F2RL2: variants seen among roughly 807,000 people sequenced by gnomAD.
F2RL2 encodes coagulation factor II thrombin receptor like 2.
In F2RL2, 4 loss-of-function variants were observed where a neutral mutation model predicts 4.3. That is an observed-to-expected ratio of 0.93 (90% CI 0.46 to 2.12). The LOEUF (loss-of-function observed/expected upper bound fraction) is 2.12. Ranked by LOEUF, F2RL2 falls within the 30% of genes most tolerant of loss-of-function variation. The pLI is 0.02. For synonymous variants in F2RL2, 166 were observed against 170.9 expected, an observed-to-expected ratio of 0.97 and a Z score of 0.22; for missense variants, 408 against 449.3, an observed-to-expected ratio of 0.91 and a Z score of 0.83.
rs1749001812 is a variant in F2RL2 at position 76,616,651 on chromosome 5, A to C, written c.*931T>G. 1 of 152,760 alleles carries C rather than the reference A, an allele frequency of 6.5e-6. No individual in the cohort carries two copies. Among genetic ancestry groups the C allele is most frequent in the Non-Finnish European group, 1.5e-5 (1 of 68,198 alleles). The allele number at this position is 152,760 out of a possible 1,614,324, so 9.5% of individuals were successfully genotyped here. On this transcript the variant is annotated 3_prime_UTR_variant, in exon 2 of 2. Coordinates refer to ENST00000296641, the MANE Select transcript of F2RL2 (RefSeq NM_004101.4). ...AAGATCACTCGAGACCAGGAGTTCA[A>C]GACCAGCCTGGGCAACAGTGAGACT...
chr5:76,620,980 A>G (rs1033852214), intron 1 of F2RL2, among the ~76,000 whole-genome samples: 10 of 152,216 alleles, frequency 6.6e-5, no homozygotes, highest in African/African-American at 2.2e-4. Context: ...ACCCTTTCAC[A>G]TGTATAGAAA....
Position 76,616,103 on chromosome 5 carries a change from T to C in F2RL2, c.*1479A>G, listed in dbSNP as rs1012159767. 1 of 152,670 alleles carries C rather than the reference T, an allele frequency of 6.6e-6. No individual in the cohort carries two copies. The highest frequency in any genetic ancestry group is 1.5e-5 in the Non-Finnish European group (1 of 68,038). 9.5% of individuals were successfully genotyped at this position (152,670 alleles called of 1,614,324 possible). On this transcript the variant is annotated 3_prime_UTR_variant, in exon 2 of 2. Coordinates refer to ENST00000296641, the MANE Select transcript of F2RL2 (RefSeq NM_004101.4). The stretch of plus-strand genomic sequence containing the variant: ...CAGAGGATGAGCACCTTCTCCATTA[T>C]ACTTGGTACTTGATTGTTCATGGAA...
Position 76,618,039 on chromosome 5 carries a change from A to G in F2RL2, c.668T>C (p.Leu223Ser), listed in dbSNP as rs774952543. The G allele has an allele frequency of 6.2e-7, 1 of 1,614,186 alleles. No homozygotes were observed. Among genetic ancestry groups the G allele is most frequent in the Admixed American group, 1.7e-5 (1 of 60,026 alleles). The change falls in exon 2 of 2, where the codon TTA becomes TCA. Residue 223 changes from leucine to serine, a missense_variant. By Grantham distance (145) the Leu-to-Ser change is moderately radical (BLOSUM62 -2). Coordinates refer to ENST00000296641, the MANE Select transcript of F2RL2 (RefSeq NM_004101.4). ...TCGLVWATVF[L>S]YMLPFFILKQ... is the part of the protein sequence containing the mutation. ...CAGTATGAAAAATGGCAGCATATAT[A>G]AGAAAACTGTTGCCCACACCAGTCC...
chr5:76,622,995 A>C (rs915190850), intron 1 of F2RL2, among the ~76,000 whole-genome samples, 172 bp downstream of exon 1: 2 of 152,216 alleles, frequency 1.3e-5, no homozygotes, highest in African/African-American at 4.8e-5. Flanking sequence ...GTTTGAATAG[A>C]GTGAATGAAC....
chr5:76,623,224 C>T lies in F2RL2; in HGVS notation c.7G>A (p.Ala3Thr), dbSNP rs1202311103. MK[A>T]LIFAAAGLLL... ...AGGCCAGCAGCTGCAAAGATGAGGGCTTTCATTTTGATGACCTGAGTCCCG... is the reference window on the plus strand; with the variant it reads ...AGGCCAGCAGCTGCAAAGATGAGGGTTTTCATTTTGATGACCTGAGTCCCG... Residue 3 changes from alanine to threonine, a missense_variant, in exon 1 of 2, where the codon GCC (alanine) becomes ACC (threonine). Physicochemically the swap from Ala to Thr is moderately conservative, Grantham distance 58. Transcript: ENST00000296641. 28 of 1,614,172 alleles carry T rather than the reference C, an allele frequency of 1.7e-5. No homozygotes were observed. Among genetic ancestry groups the T allele is most frequent in the Non-Finnish European group, 2.4e-5 (28 of 1,180,024 alleles).
chr5:76,620,790 C>T (rs2069661), intron 1 of F2RL2, among the ~76,000 whole-genome samples: 30 of 152,102 alleles, frequency 2.0e-4, no homozygotes, highest in African/African-American at 5.3e-4. Context: ...AAGATGAAAT[C>T]GGTATGAGGA....
intron 1 of F2RL2, among the ~76,000 whole-genome samples, chr5:76,619,511 CTTCT>C (rs1438898984): frequency 7.0e-5 from 9 of 128,328 alleles, no homozygotes; most frequent in Non-Finnish European, 1.1e-4. Flanking sequence ...AGTTAAGGAT[CTTCT>C]TTTTTTTTTT....
At position 76,623,018 on chromosome 5, in the gene F2RL2, T is replaced by C. The variant is rs1379317796; in HGVS notation, c.64+149A>G. The C allele has an allele frequency of 5.4e-6, 4 of 742,136 alleles. No homozygotes were observed. The Admixed American group carries it at 6.7e-5, about 12-fold the overall frequency. 46.0% of individuals were successfully genotyped at this position (742,136 alleles called of 1,614,324 possible). A position where few individuals can be genotyped will look rare whatever the true frequency, so the allele number is the denominator to read the frequency against. On this transcript the variant is annotated intron_variant, in intron 1 of 1. Transcript: ENST00000296641. ...AGAGTGAATGAACTATAGATGTTCA[T>C]TTCCATGATTCTACCTTTTAATAAT... is the stretch of plus-strand genomic sequence containing the variant.
At chr5:76,618,755 T>A (rs996685301) in intron 1 of F2RL2, 113 bp from the exon 2 acceptor site, 124 of 974,140 alleles carry the variant, frequency 1.3e-4, no homozygotes, top group Non-Finnish European at 1.7e-4. Flanking sequence ...ATTTTTATTT[T>A]AAAAAGTTAT....
chr5:76,617,746 G>C lies in F2RL2; in HGVS notation c.961C>G (p.Leu321Val), dbSNP rs773021486. Residue 321 changes from leucine (L) to valine (V), a missense_variant, in exon 2 of 2, where the codon CTT becomes GTT. Physicochemically the swap from Leu to Val is conservative, Grantham distance 32. Transcript: ENST00000296641. ...TAGTAGTTAGCATGGTGAATAATAAGAATAATATTGCTTGGAGCAAAGCAA... is the reference window on the plus strand; with the variant it reads ...TAGTAGTTAGCATGGTGAATAATAACAATAATATTGCTTGGAGCAAAGCAA... ...TICFAPSNIILIIHHANYYYN... is the reference protein window; with the variant it reads ...TICFAPSNIIVIIHHANYYYN... 2 of 1,613,822 alleles carry C rather than the reference G, an allele frequency of 1.2e-6. No individual in the cohort carries two copies. Among genetic ancestry groups the C allele is most frequent in the South Asian group, 2.2e-5 (2 of 91,052 alleles).
chr5:76,618,525 C>T lies in F2RL2; in HGVS notation c.182G>A (p.Gly61Glu), dbSNP rs772121382. Residue 61 changes from glycine to glutamate, a missense_variant, in exon 2 of 2, where the codon GGA becomes GAA. Gly to Glu is a moderately conservative substitution (Grantham distance 98, BLOSUM62 -2). Coordinates refer to ENST00000296641, the MANE Select transcript of F2RL2 (RefSeq NM_004101.4). Reference protein sequence around the residue: ...FPFSALEGWTGATITVKIKCP... With the variant: ...FPFSALEGWTEATITVKIKCP... Reference sequence around the variant, plus strand: ...CTTAATTTTTACAGTAATCGTGGCTCCTGTCCAGCCTTCCAAGGCAGAAAA... The same window carrying T: ...CTTAATTTTTACAGTAATCGTGGCTTCTGTCCAGCCTTCCAAGGCAGAAAA... 22 of 1,613,998 alleles carry T rather than the reference C, an allele frequency of 1.4e-5. No homozygotes were observed. Among genetic ancestry groups the T allele is most frequent in the South Asian group, 5.5e-5 (5 of 91,090 alleles).
At position 76,617,116 on chromosome 5, in the gene F2RL2, T is replaced by C. The variant is rs1749054552; in HGVS notation, c.*466A>G. On this transcript the variant is annotated 3_prime_UTR_variant, in exon 2 of 2. Coordinates refer to ENST00000296641, the MANE Select transcript of F2RL2 (RefSeq NM_004101.4). The stretch of plus-strand genomic sequence containing the variant: ...GAGTTGTGATATCTTTTCTCCTGCA[T>C]TAACATTTTTAAAATACTGATAAAG... 1 of 155,576 alleles carries C rather than the reference T, an allele frequency of 6.4e-6. No homozygotes were observed. The highest frequency in any genetic ancestry group is 2.4e-5 in the African/African-American group (1 of 41,476). 9.6% of individuals were successfully genotyped at this position (155,576 alleles called of 1,614,324 possible).
Position 76,618,583 on chromosome 5 carries a change from C to T in F2RL2, c.124G>A (p.Gly42Arg). 2 of 1,614,026 alleles carry T rather than the reference C, an allele frequency of 1.2e-6. No individual in the cohort carries two copies. The highest frequency in any genetic ancestry group is 1.7e-6 in the Non-Finnish European group (2 of 1,180,020). ...KPTLPIKTFR[G>R]APPNSFEEFP... ...TCTTCAAAAGAATTTGGGGGAGCTC[C>T]ACGAAAGGTCTTAATGGGTAAGGTT... The change falls in exon 2 of 2, where the codon GGA (glycine) becomes AGA (arginine). Residue 42 changes from glycine (G) to arginine (R), a missense_variant. Transcript: ENST00000296641.
chr5:76,622,692 C>T (rs1335030196), intron 1 of F2RL2, among the ~76,000 whole-genome samples: 1 of 152,136 alleles, frequency 6.6e-6, no homozygotes, highest in Non-Finnish European at 1.5e-5. Context: ...CAAAAAAGGT[C>T]ATTCATTTCG....
chr5:76,617,888 A>G lies in F2RL2; in HGVS notation c.819T>C (p.Ile273=), dbSNP rs745867853. The change falls in exon 2 of 2, where the codon ATT becomes ATC. Residue 273 remains isoleucine, a synonymous_variant. Transcript: ENST00000296641. ...FISLAFFGFL[I]PFVLIIYCYA... ...AGCAGTAGATGATAAGCACAAATGG[A>G]ATTAAGAATCCAAAGAATGCCAAGG... The G allele has an allele frequency of 2.5e-6, 4 of 1,614,078 alleles. No homozygotes were observed. The highest frequency in any genetic ancestry group is 3.3e-5 in the Admixed American group (2 of 60,018).
rs1326710511 is a variant in F2RL2 at position 76,616,053 on chromosome 5, G to C, written c.*1529C>G. 3.3e-5 allele frequency: 5 copies of C among 152,578 alleles called. No individual in the cohort carries two copies. Among genetic ancestry groups the C allele is most frequent in the Admixed American group, 3.3e-4 (5 of 15,276 alleles). 9.5% of individuals were successfully genotyped at this position (152,578 alleles called of 1,614,324 possible). A position where few individuals can be genotyped will look rare whatever the true frequency, so the allele number is the denominator to read the frequency against. ...TGGGTGCCACAAAGACTTGGGCCTG[G>C]CATCACCCAGAAGCTCAAGGAAGGC... On this transcript the variant is annotated 3_prime_UTR_variant, in exon 2 of 2. Transcript: ENST00000296641.
chr5:76,618,485 A>C lies in F2RL2; in HGVS notation c.222T>G (p.Ser74Arg), dbSNP rs750871274. 2.5e-6 allele frequency: 4 copies of C among 1,614,084 alleles called. No individual in the cohort carries two copies. In the South Asian group the frequency reaches 3.3e-5, roughly 13 times the overall value. The change falls in exon 2 of 2, where the codon AGT becomes AGG. Residue 74 changes from serine to arginine, a missense_variant. Ser to Arg is a moderately radical substitution (Grantham distance 110, BLOSUM62 -1). Transcript: ENST00000296641. ...CATTTTTCACATGGAGATGTGAAGC[A>C]CTTTCTTCAGGGCACTTAATTTTTA... is the stretch of plus-strand genomic sequence containing the variant. The part of the protein sequence containing the change: ...ITVKIKCPEE[S>R]ASHLHVKNAT...
rs1329569759 is a variant in F2RL2, at chr5:76,618,309, G to C, written c.398C>G (p.Thr133Ser). ...AAGAAAATCTGCAATGGCCAGGTTG[G>C]TGTAGAATACAGTGGTACAGATGGA... is the stretch of plus-strand genomic sequence containing the variant. The part of the protein sequence containing the change: ...TRSICTTVFY[T>S]NLAIADFLFC... Residue 133 changes from threonine to serine, a missense_variant, in exon 2 of 2, where the codon ACC (threonine) becomes AGC (serine). By Grantham distance (58) the Thr-to-Ser change is moderately conservative. Transcript: ENST00000296641. 2 of 1,614,230 alleles carry C rather than the reference G, an allele frequency of 1.2e-6. No individual in the cohort carries two copies. Among genetic ancestry groups the C allele is most frequent in the African/African-American group, 2.7e-5 (2 of 75,062 alleles).
At chr5:76,623,135 TC>T in intron 1 of F2RL2, 31 bp downstream of exon 1, 1 of 1,607,882 alleles carries the variant, frequency 6.2e-7, no homozygotes, top group Non-Finnish European at 8.5e-7. Context: ...GAAACCCACA[TC>T]CCCATCCTAC....
Sources: gnomAD v4.1 joint callset for allele counts (sites outside exome capture counted in the v4.1 genomes callset) on GRCh38, gnomAD v4.1.1 for gene constraint, MANE v1.5 for transcripts, NCBI Gene and HGNC (gene_info 2026-07-23, HGNC 2026-07-21) for gene names.